Variants in DMBT1 observed in about 807,000 individuals in gnomAD.
DMBT1 encodes the protein deleted in malignant brain tumors 1, also known as scavenger receptor cysteine-rich domain-containing protein DMBT1.
A neutral mutation model predicts 252.9 loss-of-function variants in DMBT1; 198 were observed. That is an observed-to-expected ratio of 0.78 (90% CI 0.70 to 0.88). The LOEUF is 0.88. DMBT1 is among the 40% of genes least tolerant of loss of function. The pLI is 0.00. For synonymous variants in DMBT1, 990 were observed against 942.7 expected (o/e 1.05, Z -0.92); for missense variants, 2,432 against 2,404.7 (o/e 1.01, Z -0.24).
At chr10:122,600,604 C>T (rs571677972) in intron 27 of DMBT1, among the ~76,000 whole-genome samples, 201 of 152,286 alleles carry the variant, frequency 1.3e-3, no homozygotes, top group African/African-American at 4.7e-3. Context: ...CACTGCTTAA[C>T]CAGAAACCTG....
At position 122,586,421 on chromosome 10, in the gene DMBT1, A is replaced by G. The variant is rs377196898; in HGVS notation, c.1783+38A>G. 4 of 1,584,386 alleles carry G rather than the reference A, an allele frequency of 2.5e-6. 1 individual carries two copies. The African/African-American group carries it at 5.4e-5, about 21-fold the overall frequency. ...GACTTTTGGTTTCCTCTCTTGGGGT[A>G]GATTTTGCTCAGGAAGGTTTTATTA... On this transcript the variant is annotated intron_variant, in intron 16 of 55. Transcript: ENST00000338354.
intron 17 of DMBT1, among the ~76,000 whole-genome samples, chr10:122,590,054 C>A (rs986047074): frequency 1.3e-5 from 2 of 148,428 alleles, no homozygotes; most frequent in African/African-American, 4.9e-5. Flanking sequence ...GACGGACGAT[C>A]TCACCGGGAG....
intron 50 of DMBT1, among the ~76,000 whole-genome samples, chr10:122,632,393 C>T (rs2133676786): frequency 6.6e-6 from 1 of 152,138 alleles, no homozygotes; most frequent in Admixed American, 6.5e-5. Context: ...TGGTGATGAC[C>T]CCGCTCCTCA....
chr10:122,598,105 C>T lies in DMBT1; in HGVS notation c.2956+93C>T, dbSNP rs1454005208. 11 of 1,578,892 alleles carry T rather than the reference C, an allele frequency of 7.0e-6. No homozygotes were observed. The East Asian group carries it at 9.0e-5, about 13-fold the overall frequency. On this transcript the variant is annotated intron_variant, in intron 25 of 55. Transcript: ENST00000338354. ...TGATAGGATGAGGGTCAAGGTGGGCCCCTCTCTTTTTCATGTCCCTGTGGG... is the reference window on the plus strand; with the variant it reads ...TGATAGGATGAGGGTCAAGGTGGGCTCCTCTCTTTTTCATGTCCCTGTGGG...
chr10:122,624,854 C>A (rs1273680977), intron 44 of DMBT1, among the ~76,000 whole-genome samples: 1 of 152,014 alleles, frequency 6.6e-6, no homozygotes, highest in Non-Finnish European at 1.5e-5. Flanking sequence ...TCAGATGGGC[C>A]TCCAAGACCT....
chr10:122,586,351 G>T lies in DMBT1; in HGVS notation c.1751G>T (p.Gly584Val). Reference protein sequence around the residue: ...PHNGWLSHNCGHSEDAGVICS... With the variant: ...PHNGWLSHNCVHSEDAGVICS... ...AATGGCTGGCTCTCCCATAACTGTG[G>T]CCATAGTGAAGACGCTGGTGTCATC... The change falls in exon 16 of 56, where the codon GGC becomes GTC. Residue 584 changes from glycine to valine, a missense_variant. Gly to Val is a moderately radical substitution (Grantham distance 109). Transcript: ENST00000338354. The T allele has an allele frequency of 6.3e-7, 1 of 1,585,856 alleles. No homozygotes were observed. The highest frequency in any genetic ancestry group is 8.6e-7 in the Non-Finnish European group (1 of 1,164,622).
chr10:122,618,901 G>A (rs1445444216), intron 41 of DMBT1, among the ~76,000 whole-genome samples: 1 of 152,258 alleles, frequency 6.6e-6, no homozygotes, highest in African/African-American at 2.4e-5. Flanking sequence ...CCCCAGGTCT[G>A]GTGTGGGGAG....
intron 52 of DMBT1, among the ~76,000 whole-genome samples, chr10:122,634,855 A>C (rs2098213638): frequency 6.6e-6 from 1 of 152,180 alleles, no homozygotes; most frequent in Admixed American, 6.5e-5. Flanking sequence ...CTAACTGTGA[A>C]GAGGCACCAG....
chr10:122,577,687 G>T (rs1275744781), intron 7 of DMBT1, 124 bp from the exon 8 acceptor site: 4 of 1,112,518 alleles, frequency 3.6e-6, no homozygotes, highest in African/African-American at 1.6e-5. Context: ...CACTGGCAGG[G>T]CCCACTTGGT....
intron 42 of DMBT1, 136 bp downstream of exon 42, chr10:122,619,473 CTG>C (rs1209611323): frequency 1.7e-5 from 20 of 1,147,268 alleles, no homozygotes; most frequent in Middle Eastern, 4.0e-4. Context: ...CACTCTGTAA[CTG>C]AGACCCCAGC....
intron 45 of DMBT1, 21 bp from the exon 46 acceptor site, chr10:122,625,912 C>G (rs765792782): frequency 1.2e-6 from 2 of 1,604,142 alleles, no homozygotes; most frequent in Non-Finnish European, 1.7e-6. Context: ...AAATCCTAAA[C>G]AGCTTCATTT....
chr10:122,567,028 G>A (rs1215216422), intron 2 of DMBT1, among the ~76,000 whole-genome samples: 1 of 152,226 alleles, frequency 6.6e-6, no homozygotes, highest in Non-Finnish European at 1.5e-5. Context: ...AATGTGCAGA[G>A]AACTTTGTGC....
chr10:122,640,329 T>C lies in DMBT1; in HGVS notation c.7232T>C (p.Leu2411Ser). Reference protein sequence around the residue: ...RPYYVDLNQDLYVQAEILHSD... With the variant: ...RPYYVDLNQDSYVQAEILHSD... ...TACTACGTGGACCTGAACCAGGACT[T>C]GTACGTTCAGGCTGAAATCCTCCAT... Residue 2411 changes from leucine (L) to serine (S), a missense_variant, in exon 55 of 56, where the codon TTG becomes TCG. This residue lies in a region of DMBT1 where 1,162 missense variants were observed against 1,169.0 expected (regional missense o/e 0.99). Coordinates refer to ENST00000338354, the MANE Select transcript of DMBT1 (RefSeq NM_001377530.1). 1 of 1,614,054 alleles carries C rather than the reference T, an allele frequency of 6.2e-7. No homozygotes were observed. Among genetic ancestry groups the C allele is most frequent in the African/African-American group, 1.3e-5 (1 of 75,072 alleles).
chr10:122,562,561 C>T (rs1400144337), intron 1 of DMBT1, among the ~76,000 whole-genome samples: 3 of 152,216 alleles, frequency 2.0e-5, no homozygotes, highest in African/African-American at 4.8e-5. Context: ...TTGTCAGTAC[C>T]GAGTTCACCC....
At chr10:122,618,401 C>G in intron 41 of DMBT1, 61 bp downstream of exon 41, 31 of 1,612,652 alleles carry the variant, frequency 1.9e-5, no homozygotes, top group Non-Finnish European at 2.5e-5. Context: ...GAAGAAAATC[C>G]TAATTACATT....
rs1302587844 is a variant in DMBT1 at position 122,591,478 on chromosome 10, G to C, written c.2138-1G>C. On this transcript the variant is annotated splice_acceptor_variant, in intron 18 of 55. Coordinates refer to ENST00000338354, the MANE Select transcript of DMBT1 (RefSeq NM_001377530.1). LOFTEE classifies it high-confidence loss of function. ...GCCTTTGTCTTTGTTGCAATTTACAGACACGTTGTCGACCATCACGTTACC... is the reference window on the plus strand; with the variant it reads ...GCCTTTGTCTTTGTTGCAATTTACACACACGTTGTCGACCATCACGTTACC... 6.3e-7 allele frequency: 1 copy of C among 1,587,198 alleles called. No homozygotes were observed. The highest frequency in any genetic ancestry group is 8.6e-7 in the Non-Finnish European group (1 of 1,164,830).
intron 5 of DMBT1, among the ~76,000 whole-genome samples, chr10:122,572,698 TA>T (rs1458437145): frequency 6.6e-6 from 1 of 151,982 alleles, no homozygotes; most frequent in African/African-American, 2.4e-5. Flanking sequence ...GTGGTGGAGG[TA>T]GGCTTCAGTC....
At chr10:122,580,742 C>T (rs137885149) in intron 10 of DMBT1, 124 bp from the exon 11 acceptor site, 3 of 1,371,494 alleles carry the variant, frequency 2.2e-6, no homozygotes, top group African/African-American at 1.4e-5. Context: ...CAATGTCCCT[C>T]CCTGTGTGAT....
chr10:122,596,887 C>T, intron 23 of DMBT1, 138 bp from the exon 24 acceptor site: 1 of 227,414 alleles, frequency 4.4e-6, no homozygotes, highest in South Asian at 3.5e-5. Context: ...TCTGTGGGGA[C>T]ATGCATGGCA....
Sources: allele counts gnomAD v4.1 joint callset (sites outside exome capture counted in the v4.1 genomes callset), GRCh38; gene constraint gnomAD v4.1.1; regional missense constraint gnomAD v4.1.1; transcripts MANE v1.5; gene names NCBI Gene and HGNC (gene_info 2026-07-23, HGNC 2026-07-21).